The following DHRS4L2 variants were observed in gnomAD, a reference collection of about 807,000 sequenced individuals.
DHRS4L2 encodes the protein dehydrogenase/reductase 4 like 2.
Under a neutral mutation model 23.9 loss-of-function variants are expected in DHRS4L2, and 22 were observed. The ratio of observed to expected loss-of-function variants is 0.92; its 90% confidence interval spans 0.66 to 1.31. The LOEUF (loss-of-function observed/expected upper bound fraction) is 1.31. Among genes scored for constraint, DHRS4L2 ranks in the 40% most tolerant of loss-of-function variants. The pLI, the probability that DHRS4L2 is intolerant of heterozygous loss-of-function variation, is 0.00. For missense variants in DHRS4L2, 385 were observed against 303.3 expected (o/e 1.27, Z -2.00); for synonymous variants, 141 against 123.7 (o/e 1.14, Z -0.93).
chr14:23,986,529 GAA>G, upstream of DHRS4L2, among the ~76,000 whole-genome samples: 1 of 150,446 alleles, frequency 6.6e-6, no homozygotes, highest in South Asian at 2.1e-4. Flanking sequence ...AAGAAAGAAA[GAA>G]AGAAAAAGAA....
chr14:23,970,359 G>A (rs554979719), intron 1 of DHRS4L2: 5 of 404,194 alleles, frequency 1.2e-5, no homozygotes, highest in South Asian at 3.4e-5. Flanking sequence ...GGTGGGGGGC[G>A]GGGGGCCGAA....
At chr14:23,989,539 G>A (rs1382837647) in intron 1 of DHRS4L2, among the ~76,000 whole-genome samples, 1 of 151,478 alleles carries the variant, frequency 6.6e-6, no homozygotes, top group Non-Finnish European at 1.5e-5. Context: ...CTTTTTTTTA[G>A]GTCGGTACAT....
intron 1 of DHRS4L2, among the ~76,000 whole-genome samples, chr14:23,975,036 G>A (rs1214345214): frequency 1.3e-5 from 2 of 151,658 alleles, no homozygotes; most frequent in East Asian, 1.9e-4. Context: ...GCATAAGGAT[G>A]CATTCTCTCA....
chr14:24,004,599 G>C (rs75763182), intron 7 of DHRS4L2: 1 of 839,850 alleles, frequency 1.2e-6, no homozygotes, highest in African/African-American at 2.1e-5. Context: ...CAGAGACATC[G>C]GGGTTTCAGC....
chr14:23,989,794 G>C (rs1388493322), intron 1 of DHRS4L2, among the ~76,000 whole-genome samples: 1 of 151,756 alleles, frequency 6.6e-6, no homozygotes, highest in African/African-American at 2.4e-5. Context: ...TTTTGAGAAT[G>C]ATGTAGACTA....
At chr14:23,972,453 T>A (rs373739538) in intron 1 of DHRS4L2, among the ~76,000 whole-genome samples, 117 of 152,072 alleles carry the variant, frequency 7.7e-4, no homozygotes, top group African/African-American at 2.7e-3. Flanking sequence ...ACGGTGAGTG[T>A]TACAGCTCAT....
At position 23,969,925 on chromosome 14, in the gene DHRS4L2, C is replaced by T. The variant is rs1471390085; in HGVS notation, c.-583C>T. The T allele has an allele frequency of 1.6e-5, 7 of 448,446 alleles. 1 individual carries two copies. Among genetic ancestry groups the T allele is most frequent in the African/African-American group, 6.0e-5 (3 of 49,850 alleles). The allele number at this position is 448,446 out of a possible 1,614,324, so 27.8% of individuals were successfully genotyped here. On this transcript the variant is annotated 5_prime_UTR_variant, in exon 1 of 6. Transcript: ENST00000534993. The stretch of plus-strand genomic sequence containing the variant: ...CGGCGTGGGAGCCCGCGCTCCAAGG[C>T]CCGGTGGGGGGAGGGGCGCTCACGC...
chr14:23,984,519 G>A (rs560836897), upstream of DHRS4L2, among the ~76,000 whole-genome samples: 4 of 151,566 alleles, frequency 2.6e-5, no homozygotes, highest in East Asian at 3.9e-4. Flanking sequence ...ACACCCGACC[G>A]GGCGCAGTGG....
At chr14:23,995,197 G>A (rs1276348984) in intron 3 of DHRS4L2, 64 bp downstream of exon 3, 2 of 1,570,134 alleles carry the variant, frequency 1.3e-6, no homozygotes. Context: ...AACTCCATCT[G>A]CTTTTAGAAT....
intron 1 of DHRS4L2, among the ~76,000 whole-genome samples, chr14:23,976,001 A>T (rs1221172783): frequency 6.6e-6 from 1 of 151,350 alleles, no homozygotes; most frequent in Non-Finnish European, 1.5e-5. Flanking sequence ...AACCATAAAA[A>T]CCCTAGAAGA....
intron 1 of DHRS4L2, among the ~76,000 whole-genome samples, chr14:23,971,978 A>G (rs1157590756): frequency 1.3e-5 from 2 of 152,106 alleles, no homozygotes; most frequent in African/African-American, 4.8e-5. Context: ...ACATATAACA[A>G]TACTAACCTT....
chr14:23,999,322 G>T (rs1404204192), intron 3 of DHRS4L2, among the ~76,000 whole-genome samples: 1 of 132,258 alleles, frequency 7.6e-6, no homozygotes, highest in Non-Finnish European at 1.6e-5. Flanking sequence ...TTAATGCAGG[G>T]TTGCCACGAA....
chr14:23,972,920 C>T (rs1165963963), intron 1 of DHRS4L2, among the ~76,000 whole-genome samples: 1 of 152,020 alleles, frequency 6.6e-6, no homozygotes, highest in Non-Finnish European at 1.5e-5. Flanking sequence ...TGTTTCTCTC[C>T]ACCCAAACAT....
chr14:24,001,147 T>G, intron 5 of DHRS4L2, 63 bp downstream of exon 5: 1 of 1,609,368 alleles, frequency 6.2e-7, no homozygotes. Flanking sequence ...CCACCCCTCC[T>G]ATTACCCAAA....
At chr14:23,971,230 T>A (rs555580952) in intron 1 of DHRS4L2, among the ~76,000 whole-genome samples, 14 of 151,994 alleles carry the variant, frequency 9.2e-5, no homozygotes, top group African/African-American at 3.1e-4. Flanking sequence ...TTCTAACCCA[T>A]TACAAGGAAG....
intron 1 of DHRS4L2, among the ~76,000 whole-genome samples, chr14:23,975,902 A>G (rs1342563839): frequency 6.6e-6 from 1 of 151,706 alleles, no homozygotes; most frequent in Non-Finnish European, 1.5e-5. Flanking sequence ...CTAGCTAGCC[A>G]TATGTAGAAA....
chr14:23,993,334 A>C lies in DHRS4L2; in HGVS notation c.307-1698A>C, dbSNP rs577490998. Among the ~76,000 whole-genome samples the C allele has an allele frequency of 2.6e-5, 4 of 151,896 alleles. 1 individual carries two copies. The South Asian group carries it at 8.3e-4, about 32-fold the overall frequency. On this transcript the variant is annotated intron_variant, in intron 2 of 7. Transcript: ENST00000335125. ...ATTATGTGACTGTAAATTTTGTTAG[A>C]TTAACACGTTGACAAACCCAGCATT...
chr14:23,979,153 T>C (rs563189717), intron 1 of DHRS4L2, among the ~76,000 whole-genome samples: 1 of 148,686 alleles, frequency 6.7e-6, no homozygotes, highest in South Asian at 2.2e-4. Flanking sequence ...AATCCTGGTC[T>C]CCGATAAAAC....
intron 1 of DHRS4L2, among the ~76,000 whole-genome samples, chr14:23,978,475 C>T (rs1187574613): frequency 1.1e-5 from 1 of 93,424 alleles, no homozygotes; most frequent in South Asian, 3.8e-4. Context: ...CAGCTCCCAG[C>T]GAGATCAATG....
Sources: allele counts gnomAD v4.1 joint callset (sites outside exome capture counted in the v4.1 genomes callset), GRCh38; gene constraint gnomAD v4.1.1; transcripts MANE v1.5; gene names NCBI Gene and HGNC (gene_info 2026-07-23, HGNC 2026-07-21).